The following PIGK variants were observed in gnomAD, a reference collection of about 807,000 sequenced individuals.
The protein encoded by PIGK is GPI-anchor transamidase.
A neutral mutation model predicts 50.6 loss-of-function variants in PIGK; 42 were observed. The observed-to-expected ratio is 0.83, with a 90% CI of 0.65 to 1.07. The LOEUF (loss-of-function observed/expected upper bound fraction) is 1.07, where lower values mean the gene tolerates loss of function less well. Among genes scored for constraint, PIGK ranks in the 50% least tolerant of loss-of-function variants. PIGK has a pLI of 0.00. For missense variants in PIGK, 448 were observed against 488.7 expected (o/e 0.92, Z 0.78); for synonymous variants, 151 against 156.0 (o/e 0.97, Z 0.24).
chr1:77,112,067 TC>T, intron 10 of PIGK, among the ~76,000 whole-genome samples: 1 of 152,156 alleles, frequency 6.6e-6, no homozygotes, highest in Admixed American at 6.5e-5. Context: ...GAAATTATAA[TC>T]TGAGATAACT....
chr1:77,146,516 C>T (rs963596444), intron 9 of PIGK, among the ~76,000 whole-genome samples: 3 of 152,028 alleles, frequency 2.0e-5, no homozygotes, highest in African/African-American at 7.2e-5. Flanking sequence ...GTAAAAGAGG[C>T]CTGGCAAGAT....
At chr1:77,203,146 A>G (rs1301586986) in intron 3 of PIGK, among the ~76,000 whole-genome samples, 1 of 150,580 alleles carries the variant, frequency 6.6e-6, no homozygotes, top group Non-Finnish European at 1.5e-5. Flanking sequence ...GCTGTGGTAG[A>G]CTTGATGAAA....
intron 8 of PIGK, among the ~76,000 whole-genome samples, chr1:77,158,352 T>C (rs1343799466): frequency 6.6e-6 from 1 of 151,876 alleles, no homozygotes; most frequent in Non-Finnish European, 1.5e-5. Context: ...AATTACCCAG[T>C]CTCAGGTATT....
At chr1:77,096,097 C>T (rs766340111) in intron 10 of PIGK, among the ~76,000 whole-genome samples, 3 of 151,832 alleles carry the variant, frequency 2.0e-5, no homozygotes, top group Non-Finnish European at 2.9e-5. Flanking sequence ...AGATTCACAA[C>T]GAACCAAAAA....
chr1:77,092,413 G>T lies in PIGK; in HGVS notation c.1149C>A (p.Phe383Leu). 1 of 1,603,600 alleles carries T rather than the reference G, an allele frequency of 6.2e-7. No individual in the cohort carries two copies. The highest frequency in any genetic ancestry group is 8.5e-7 in the Non-Finnish European group (1 of 1,173,312). ...GLWALIIMVF[F>L]KTYGIKHMKF... ...TCATATGCTTAATTCCATAAGTTTT[G>T]AAGAAAACCATGATAATAAGTGCCC... is the stretch of plus-strand genomic sequence containing the variant. The change falls in exon 11 of 11, where the codon TTC becomes TTA. Residue 383 changes from phenylalanine to leucine, a missense_variant. By Grantham distance (22) the Phe-to-Leu change is conservative (BLOSUM62 0). Transcript: ENST00000370812.
intron 9 of PIGK, among the ~76,000 whole-genome samples, chr1:77,127,499 T>C (rs1654258310): frequency 6.6e-6 from 1 of 152,130 alleles, no homozygotes. Context: ...AGGAATTAGA[T>C]ACCAGCCTGG....
chr1:77,112,013 AAT>A (rs968475452), intron 10 of PIGK, among the ~76,000 whole-genome samples: 128 of 152,186 alleles, frequency 8.4e-4, no homozygotes, highest in African/African-American at 1.9e-3. Flanking sequence ...GATTAAATAA[AAT>A]AGTCTTTTAA....
chr1:77,206,958 G>C (rs1488568307), intron 2 of PIGK, among the ~76,000 whole-genome samples: 1 of 152,280 alleles, frequency 6.6e-6, no homozygotes, highest in East Asian at 1.9e-4. Flanking sequence ...CTTGGGTCCA[G>C]GAGTTCGAGA....
At chr1:77,108,548 G>A (rs926029783) in intron 10 of PIGK, among the ~76,000 whole-genome samples, 22 of 120,832 alleles carry the variant, frequency 1.8e-4, no homozygotes, top group African/African-American at 9.0e-4. Context: ...CAACTTTGGT[G>A]AATCTGATAA....
At chr1:77,113,029 T>C (rs1201583251) in intron 10 of PIGK, among the ~76,000 whole-genome samples, 2 of 152,094 alleles carry the variant, frequency 1.3e-5, no homozygotes, top group Admixed American at 6.5e-5. Context: ...TTCTTCATAT[T>C]TGGCATAGTT....
At chr1:77,100,123 A>C (rs981546189) in intron 10 of PIGK, among the ~76,000 whole-genome samples, 5 of 152,200 alleles carry the variant, frequency 3.3e-5, no homozygotes, top group African/African-American at 1.2e-4. Context: ...AAGTATTAAA[A>C]TTATGTAAAA....
Position 77,179,083 on chromosome 1 carries a change from T to C in PIGK, c.240-9688A>G, listed in dbSNP as rs114043225. Reference sequence around the variant, plus strand: ...AAATGGGACAATAAAACTAAGACTTTAAGGAAACACACAAATCCTAGAACA... The same window carrying C: ...AAATGGGACAATAAAACTAAGACTTCAAGGAAACACACAAATCCTAGAACA... On this transcript the variant is annotated intron_variant, in intron 3 of 10. Transcript: ENST00000370812. 2.7e-3 allele frequency among the ~76,000 whole-genome samples: 418 copies of C among 152,312 alleles called. 1 individual carries two copies. Among genetic ancestry groups the C allele is most frequent in the African/African-American group, 9.3e-3 (385 of 41,576 alleles).
chr1:77,121,639 A>G (rs1654097254), intron 10 of PIGK, among the ~76,000 whole-genome samples: 1 of 152,210 alleles, frequency 6.6e-6, no homozygotes, highest in African/African-American at 2.4e-5. Flanking sequence ...TCTAAAGGCT[A>G]TAACTCTAGT....
rs1236706368 is a variant in PIGK, at chr1:77,091,602, GT to G, written c.*771del. 1 of 152,168 alleles carries G rather than the reference GT, an allele frequency of 6.6e-6. No homozygotes were observed. Among genetic ancestry groups the G allele is most frequent in the African/African-American group, 2.4e-5 (1 of 41,444 alleles). 9.4% of individuals were successfully genotyped at this position (152,168 alleles called of 1,614,324 possible). The stretch of plus-strand genomic sequence containing the variant: ...GGGGTATGTTTCTCTTGAGCAGTCA[GT>G]ACGTGAAATTATCAAAGGTCTAAAA... On this transcript the variant is annotated 3_prime_UTR_variant, in exon 11 of 11. Coordinates refer to ENST00000370812, the MANE Select transcript of PIGK (RefSeq NM_005482.3).
intron 3 of PIGK, among the ~76,000 whole-genome samples, chr1:77,172,704 A>T (rs572624335): frequency 3.3e-5 from 5 of 152,246 alleles, no homozygotes; most frequent in Non-Finnish European, 7.4e-5. Context: ...AGGGTGGATC[A>T]CGAGGTCAGG....
At chr1:77,147,274 G>A (rs1438316399) in intron 9 of PIGK, among the ~76,000 whole-genome samples, 1 of 151,906 alleles carries the variant, frequency 6.6e-6, no homozygotes, top group Non-Finnish European at 1.5e-5. Context: ...CTCCCACCGG[G>A]TCCCTCCCAC....
rs931608340 is a variant in PIGK at position 77,092,302 on chromosome 1, T to A, written c.*72A>T. The A allele has an allele frequency of 4.5e-6, 3 of 671,512 alleles. No individual in the cohort carries two copies. Among genetic ancestry groups the A allele is most frequent in the African/African-American group, 3.8e-5 (2 of 52,542 alleles). 41.6% of individuals were successfully genotyped at this position (671,512 alleles called of 1,614,324 possible). ...AATTCATACAAGAGAAACACATTTT[T>A]AAAAATATATAATGACATAAATTAT... On this transcript the variant is annotated 3_prime_UTR_variant, in exon 11 of 11. Coordinates refer to ENST00000370812, the MANE Select transcript of PIGK (RefSeq NM_005482.3).
intron 3 of PIGK, among the ~76,000 whole-genome samples, chr1:77,181,145 T>C (rs575459247): frequency 6.6e-6 from 1 of 152,236 alleles, no homozygotes; most frequent in African/African-American, 2.4e-5. Context: ...CTGATAAACA[T>C]ATATGAAGGG....
At chr1:77,204,675 C>T (rs1244030023) in intron 3 of PIGK, among the ~76,000 whole-genome samples, 1 of 152,082 alleles carries the variant, frequency 6.6e-6, no homozygotes, top group African/African-American at 2.4e-5. Flanking sequence ...ATTTCTCAGA[C>T]CGGCCGACAC....
Sources: allele counts gnomAD v4.1 joint callset (sites outside exome capture counted in the v4.1 genomes callset), GRCh38; gene constraint gnomAD v4.1.1; transcripts MANE v1.5; gene names NCBI Gene and HGNC (gene_info 2026-07-23, HGNC 2026-07-21).